The following PSD3 variants were observed in gnomAD, a reference collection of about 807,000 sequenced individuals.
PSD3 encodes the protein pleckstrin and Sec7 domain containing 3.
A neutral mutation model predicts 105.5 loss-of-function variants in PSD3; 49 were observed. The ratio of observed to expected loss-of-function variants is 0.46; its 90% confidence interval spans 0.37 to 0.59. The LOEUF (loss-of-function observed/expected upper bound fraction) is 0.59. Ranked by LOEUF, PSD3 falls within the 20% of genes least tolerant of loss-of-function variation. The pLI is 0.00. For synonymous variants in PSD3, 557 were observed against 457.8 expected (o/e 1.22, Z -2.77); for missense variants, 1,561 against 1,263.8 (o/e 1.24, Z -3.57).
chr8:19,024,216 C>T (rs1827462803), intron 1 of PSD3, among the ~76,000 whole-genome samples: 1 of 152,200 alleles, frequency 6.6e-6, no homozygotes, highest in Admixed American at 6.5e-5. Flanking sequence ...CTTTGCTGAA[C>T]TAAGCATTTC....
chr8:19,034,371 T>C (rs1219275708), intron 1 of PSD3, among the ~76,000 whole-genome samples: 1 of 152,218 alleles, frequency 6.6e-6, no homozygotes, highest in Non-Finnish European at 1.5e-5. Flanking sequence ...CATATGGACC[T>C]GGAAATCATT....
At chr8:18,678,112 G>A (rs1800174601) in intron 9 of PSD3, among the ~76,000 whole-genome samples, 1 of 152,066 alleles carries the variant, frequency 6.6e-6, no homozygotes, top group Admixed American at 6.6e-5. Context: ...CTTAACATAG[G>A]AGAGCCAAGA....
chr8:18,545,405 G>C (rs1003293410), intron 15 of PSD3, among the ~76,000 whole-genome samples: 1 of 151,902 alleles, frequency 6.6e-6, no homozygotes, highest in East Asian at 1.9e-4. Context: ...CTATAGCTGA[G>C]TATAAAATTA....
At chr8:18,717,000 G>A (rs1384638490) in intron 9 of PSD3, among the ~76,000 whole-genome samples, 1 of 151,950 alleles carries the variant, frequency 6.6e-6, no homozygotes, top group Non-Finnish European at 1.5e-5. Flanking sequence ...GTTAATCAAG[G>A]GTAAGTTTTT....
At chr8:19,073,798 CT>C (rs71218923) in intron 1 of PSD3, among the ~76,000 whole-genome samples, 8 of 145,534 alleles carry the variant, frequency 5.5e-5, no homozygotes, top group South Asian at 2.2e-4. Flanking sequence ...TTTTCTTTTT[CT>C]TTTTTTTTTG....
At chr8:18,700,561 A>G (rs1359837661) in intron 9 of PSD3, among the ~76,000 whole-genome samples, 1 of 152,220 alleles carries the variant, frequency 6.6e-6, no homozygotes, top group African/African-American at 2.4e-5. Context: ...CGGAGCTAAG[A>G]ATAAGCATAA....
intron 10 of PSD3, among the ~76,000 whole-genome samples, chr8:18,650,078 C>A (rs759242108): frequency 2.6e-5 from 4 of 152,218 alleles, no homozygotes; most frequent in Admixed American, 6.5e-5. Flanking sequence ...TTTGTAAACA[C>A]TGTTGTAGAA....
At chr8:18,617,862 A>C (rs981376706) in intron 11 of PSD3, among the ~76,000 whole-genome samples, 3 of 152,180 alleles carry the variant, frequency 2.0e-5, no homozygotes, top group African/African-American at 7.2e-5. Context: ...TCCTAAGGGA[A>C]ATCAAAGTAT....
intron 9 of PSD3, among the ~76,000 whole-genome samples, chr8:18,741,550 G>A (rs1366961872): frequency 6.6e-6 from 1 of 152,194 alleles, no homozygotes; most frequent in Non-Finnish European, 1.5e-5. Flanking sequence ...TTGGGAAATA[G>A]GAGGGAAAAC....
intron 11 of PSD3, among the ~76,000 whole-genome samples, chr8:18,624,592 C>T (rs915306977): frequency 2.8e-5 from 4 of 144,478 alleles, no homozygotes; most frequent in African/African-American, 5.2e-5. Context: ...TGCTAAATGA[C>T]GAGTTAATGG....
chr8:18,861,006 T>C (rs1451565940), intron 4 of PSD3, among the ~76,000 whole-genome samples: 1 of 152,224 alleles, frequency 6.6e-6, no homozygotes, highest in African/African-American at 2.4e-5. Context: ...TTGGTTTGTT[T>C]GTTTTAAGGT....
chr8:18,875,517 T>A (rs2129458088), intron 2 of PSD3, among the ~76,000 whole-genome samples: 1 of 152,116 alleles, frequency 6.6e-6, no homozygotes, highest in African/African-American at 2.4e-5. Flanking sequence ...ACTGTACAAC[T>A]ATCACCACTA....
chr8:18,675,274 C>T (rs1000451161), intron 9 of PSD3, among the ~76,000 whole-genome samples: 23 of 152,174 alleles, frequency 1.5e-4, no homozygotes, highest in Non-Finnish European at 2.6e-4. Context: ...CTTACTGCTT[C>T]CTGTAAACAC....
At chr8:18,969,791 C>G (rs1205660293) in intron 1 of PSD3, among the ~76,000 whole-genome samples, 1 of 152,032 alleles carries the variant, frequency 6.6e-6, no homozygotes, top group East Asian at 1.9e-4. Flanking sequence ...TCACGAGGAG[C>G]AAATATTTAG....
At chr8:18,682,859 T>C (rs1800463443) in intron 9 of PSD3, among the ~76,000 whole-genome samples, 1 of 152,034 alleles carries the variant, frequency 6.6e-6, no homozygotes, top group Non-Finnish European at 1.5e-5. Flanking sequence ...TGGGTCTGGA[T>C]ATAACCCCGA....
chr8:18,842,642 A>G (rs1440128274), intron 4 of PSD3, among the ~76,000 whole-genome samples: 1 of 152,062 alleles, frequency 6.6e-6, no homozygotes. Context: ...CTGAGGCAGG[A>G]GAATGGCGTG....
chr8:19,068,260 G>A (rs1416688196), intron 1 of PSD3, among the ~76,000 whole-genome samples: 1 of 151,706 alleles, frequency 6.6e-6, no homozygotes, highest in Non-Finnish European at 1.5e-5. Context: ...GATTCAGATG[G>A]CCTTTCTTCT....
intron 9 of PSD3, among the ~76,000 whole-genome samples, chr8:18,759,288 G>T (rs1002737177): frequency 6.6e-6 from 1 of 152,022 alleles, no homozygotes; most frequent in Non-Finnish European, 1.5e-5. Flanking sequence ...ATATTGATTG[G>T]TATCTGTAAG....
At chr8:18,608,986 A>G (rs1030356636) in intron 11 of PSD3, among the ~76,000 whole-genome samples, 1 of 152,182 alleles carries the variant, frequency 6.6e-6, no homozygotes, top group African/African-American at 2.4e-5. Flanking sequence ...TGCCCTGATC[A>G]TCTTTTTTTT....
Sources: allele counts gnomAD v4.1 joint callset (sites outside exome capture counted in the v4.1 genomes callset), GRCh38; gene constraint gnomAD v4.1.1; transcripts MANE v1.5; gene names NCBI Gene and HGNC (gene_info 2026-07-23, HGNC 2026-07-21).